FOXO1: variants seen among roughly 807,000 people sequenced by gnomAD.
FOXO1 encodes forkhead box O1.
Under a neutral mutation model 44.1 loss-of-function variants are expected in FOXO1, and 6 were observed. The ratio of observed to expected loss-of-function variants is 0.14; its 90% CI spans 0.07 to 0.27. The LOEUF (loss-of-function observed/expected upper bound fraction) is 0.27. Among genes scored for constraint, FOXO1 ranks in the 10% least tolerant of loss-of-function variants. FOXO1 has a pLI of 1.00. For synonymous variants in FOXO1, 380 were observed against 362.7 expected (o/e 1.05, Z -0.54); for missense variants, 737 against 888.8 (o/e 0.83, Z 2.17).
chr13:40,619,993 A>G (rs1876555033), intron 1 of FOXO1: 1 of 707,766 alleles, frequency 1.4e-6, no homozygotes, highest in African/African-American at 1.8e-5. Flanking sequence ...TCAGAGACAC[A>G]GTGGCACTGT....
chr13:40,599,140 AAAC>A (rs1430511132), intron 1 of FOXO1, among the ~76,000 whole-genome samples: 4 of 152,130 alleles, frequency 2.6e-5, no homozygotes, highest in East Asian at 3.8e-4. Flanking sequence ...GAAAAAAAAA[AAAC>A]AAGTATATCC....
intron 1 of FOXO1, among the ~76,000 whole-genome samples, chr13:40,590,323 C>T (rs1182288523): frequency 2.0e-5 from 3 of 152,192 alleles, no homozygotes; most frequent in African/African-American, 7.2e-5. Flanking sequence ...GTGTACTATA[C>T]TATGGGCCAA....
chr13:40,572,431 G>C (rs1874568416), intron 1 of FOXO1, among the ~76,000 whole-genome samples: 1 of 151,884 alleles, frequency 6.6e-6, no homozygotes, highest in South Asian at 2.1e-4. Flanking sequence ...ACCTAGATAT[G>C]ATAATCCAGA....
rs375067882 is a variant in FOXO1, at chr13:40,591,810, T to C, written c.631-30950A>G. ...TCCACCTCCCAGGTCCAAGCAATTC[T>C]CATACCTCAGCCTCCTGAGTAGCTG... On this transcript the variant is annotated intron_variant, in intron 1 of 2. Transcript: ENST00000379561. Among the ~76,000 whole-genome samples, 16 of 152,256 alleles carry C rather than the reference T, an allele frequency of 1.1e-4. No individual in the cohort carries two copies. In the East Asian group the frequency reaches 2.1e-3, roughly 20 times the overall value.
At position 40,573,372 on chromosome 13, in the gene FOXO1, C is replaced by A. The variant is rs752655572; in HGVS notation, c.631-12512G>T. 2.0e-5 allele frequency among the ~76,000 whole-genome samples: 3 copies of A among 152,126 alleles called. 1 individual carries two copies. The East Asian group carries it at 5.8e-4, about 29-fold the overall frequency. ...GTGCTTCCCCAAGATCACTCCTGGG[C>A]TAAAGGAATTCTGGAAGGCTCCAAG... On this transcript the variant is annotated intron_variant, in intron 1 of 2. Coordinates refer to ENST00000379561, the MANE Select transcript of FOXO1 (RefSeq NM_002015.4).
chr13:40,575,285 G>A (rs889937190), intron 1 of FOXO1, among the ~76,000 whole-genome samples: 1 of 152,160 alleles, frequency 6.6e-6, no homozygotes, highest in Admixed American at 6.5e-5. Flanking sequence ...AGCCTGGAAT[G>A]AGCCAAGTTC....
chr13:40,575,444 A>C (rs1874709132), intron 1 of FOXO1, among the ~76,000 whole-genome samples: 1 of 152,200 alleles, frequency 6.6e-6, no homozygotes, highest in African/African-American at 2.4e-5. Flanking sequence ...AGTGAAGGGC[A>C]CCAAGGAGGA....
chr13:40,600,065 G>C (rs530781638), intron 1 of FOXO1, among the ~76,000 whole-genome samples: 2 of 152,140 alleles, frequency 1.3e-5, no homozygotes, highest in Non-Finnish European at 2.9e-5. Flanking sequence ...AGTTGAACTG[G>C]AGTTTTTCCC....
At chr13:40,600,230 C>T (rs1299672856) in intron 1 of FOXO1, among the ~76,000 whole-genome samples, 1 of 152,142 alleles carries the variant, frequency 6.6e-6, no homozygotes, top group East Asian at 1.9e-4. Flanking sequence ...ACAAATTAGA[C>T]CAAAGCTCAG....
At chr13:40,602,226 A>G (rs1469429874) in intron 1 of FOXO1, among the ~76,000 whole-genome samples, 4 of 152,236 alleles carry the variant, frequency 2.6e-5, no homozygotes, top group African/African-American at 7.2e-5. Context: ...AATCTGAGCA[A>G]AAGAAATGTA....
chr13:40,653,996 T>C (rs1194158864), intron 1 of FOXO1, among the ~76,000 whole-genome samples: 2 of 152,142 alleles, frequency 1.3e-5, no homozygotes, highest in African/African-American at 4.8e-5. Flanking sequence ...AGAAATATCT[T>C]TAATGAAACA....
chr13:40,590,925 A>G (rs1371174794), intron 1 of FOXO1, among the ~76,000 whole-genome samples: 2 of 152,156 alleles, frequency 1.3e-5, no homozygotes. Flanking sequence ...CTTCTACTTC[A>G]TACCTACTCT....
At chr13:40,599,106 A>C (rs906596976) in intron 1 of FOXO1, among the ~76,000 whole-genome samples, 1 of 150,234 alleles carries the variant, frequency 6.7e-6, no homozygotes, top group Non-Finnish European at 1.5e-5. Context: ...ATTTCTATTG[A>C]TCAAAAATTT....
intron 1 of FOXO1, among the ~76,000 whole-genome samples, chr13:40,653,863 CAT>C (rs1877765915): frequency 6.6e-6 from 1 of 152,276 alleles, no homozygotes; most frequent in South Asian, 2.1e-4. Context: ...AACAGAAACA[CAT>C]ATTTTCCCTC....
chr13:40,563,647 G>A (rs80070740), intron 1 of FOXO1, among the ~76,000 whole-genome samples: 11,432 of 152,182 alleles, frequency 0.075, 551 homozygotes, highest in Middle Eastern at 0.16. Context: ...ACGCTGTGAG[G>A]AGGGCCAGGG....
chr13:40,662,644 T>C (rs1424677438), intron 1 of FOXO1, among the ~76,000 whole-genome samples: 1 of 152,228 alleles, frequency 6.6e-6, no homozygotes, highest in Non-Finnish European at 1.5e-5. Context: ...TTTGAATTCA[T>C]TAACAGTTTT....
At chr13:40,566,991 T>C (rs546180250) in intron 1 of FOXO1, among the ~76,000 whole-genome samples, 2 of 152,210 alleles carry the variant, frequency 1.3e-5, no homozygotes, top group Admixed American at 1.3e-4. Context: ...GCTCTCTGCC[T>C]CCTAAGAGCT....
intron 1 of FOXO1, among the ~76,000 whole-genome samples, chr13:40,644,373 G>A (rs909457438): frequency 6.6e-6 from 1 of 152,196 alleles, no homozygotes; most frequent in African/African-American, 2.4e-5. Flanking sequence ...CATGTGGACT[G>A]ACAAGGAGAG....
intron 1 of FOXO1, among the ~76,000 whole-genome samples, chr13:40,621,997 T>C (rs1297405360): frequency 6.6e-6 from 1 of 152,234 alleles, no homozygotes; most frequent in African/African-American, 2.4e-5. Context: ...GGGATTCGGA[T>C]ATAATTTTAA....
Sources: allele counts gnomAD v4.1 joint callset (sites outside exome capture counted in the v4.1 genomes callset), GRCh38; gene constraint gnomAD v4.1.1; transcripts MANE v1.5; gene names NCBI Gene and HGNC (gene_info 2026-07-23, HGNC 2026-07-21).